Variants in ETNK2 observed in about 807,000 individuals in gnomAD.
The protein encoded by ETNK2 is ethanolamine kinase-like protein.
A neutral mutation model predicts 46.2 loss-of-function variants in ETNK2; 33 were observed. The observed-to-expected ratio is 0.71, with a 90% CI of 0.54 to 0.96. The LOEUF is 0.96. Ranked by LOEUF, ETNK2 falls within the 40% of genes least tolerant of loss-of-function variation. The pLI, the probability that ETNK2 is intolerant of heterozygous loss-of-function variation, is 0.00. For synonymous variants in ETNK2, 194 were observed against 209.0 expected, an observed-to-expected ratio of 0.93 and a Z score of 0.62; for missense variants, 445 against 509.7, an observed-to-expected ratio of 0.87 and a Z score of 1.22.
chr1:204,151,753 C>T lies in ETNK2; in HGVS notation c.100G>A (p.Ala34Thr). The change falls in exon 1 of 8, where the codon GCG becomes ACG. Residue 34 changes from alanine (A) to threonine (T), a missense_variant. Coordinates refer to ENST00000367202, the MANE Select transcript of ETNK2 (RefSeq NM_018208.4). The surrounding 1 kb of genome is among the most constrained non-coding windows in gnomAD (Gnocchi z 8.0). Reference sequence around the variant, plus strand: ...GGCTCCCGGCAGCTGGCGCTGGCCGCCGCCTTCTCCTCCATGCCCCATGAG... The same window carrying T: ...GGCTCCCGGCAGCTGGCGCTGGCCGTCGCCTTCTCCTCCATGCCCCATGAG... The part of the protein sequence containing the change: ...QCSWGMEEKA[A>T]ASASCREPPG... 1 of 1,526,702 alleles carries T rather than the reference C, an allele frequency of 6.6e-7. No individual in the cohort carries two copies. Among genetic ancestry groups the T allele is most frequent in the Non-Finnish European group, 8.8e-7 (1 of 1,138,410 alleles). 94.6% of individuals were successfully genotyped at this position (1,526,702 alleles called of 1,614,324 possible). A position where few individuals can be genotyped will look rare whatever the true frequency, so the allele number is the denominator to read the frequency against.
At position 204,151,944 on chromosome 1, in the gene ETNK2, G is replaced by C; in HGVS notation, c.-92C>G. On this transcript the variant is annotated 5_prime_UTR_variant, in exon 1 of 8. Transcript: ENST00000367202. This position sits in a 1 kb window ranked among gnomAD's most constrained non-coding sequence, Gnocchi z 8.0. ...AGTGGGAGTGGTAGAGGAGGGGCCAGGGGAAGTCCATGACTCAGGCGCGAG... is the reference window on the plus strand; with the variant it reads ...AGTGGGAGTGGTAGAGGAGGGGCCACGGGAAGTCCATGACTCAGGCGCGAG... 7.6e-7 allele frequency: 1 copy of C among 1,319,834 alleles called. No individual in the cohort carries two copies. 81.8% of individuals were successfully genotyped at this position (1,319,834 alleles called of 1,614,324 possible). A position where few individuals can be genotyped will look rare whatever the true frequency, so the allele number is the denominator to read the frequency against.
In ETNK2 at chr1:204,151,791, G is replaced by C; in HGVS notation, c.62C>G (p.Pro21Arg). Residue 21 changes from proline to arginine, a missense_variant, in exon 1 of 8, where the codon CCT becomes CGT. Pro to Arg is a moderately radical substitution (Grantham distance 103). Coordinates refer to ENST00000367202, the MANE Select transcript of ETNK2 (RefSeq NM_018208.4). The surrounding 1 kb of genome is among the most constrained non-coding windows in gnomAD (Gnocchi z 8.0). ...CATGCCCCATGAGCACTGCGGGCAA[G>C]GCGTGTGCCTCCTCAGGTGAAAGGA... ...RASFHLRRHT[P>R]CPQCSWGMEE... is the part of the protein sequence containing the mutation. The C allele has an allele frequency of 6.7e-7, 1 of 1,502,032 alleles. No homozygotes were observed. The highest frequency in any genetic ancestry group is 8.9e-7 in the Non-Finnish European group (1 of 1,128,560). The allele number at this position is 1,502,032 out of a possible 1,614,324, so 93.0% of individuals were successfully genotyped here.
chr1:204,149,990 GT>G lies in ETNK2; in HGVS notation c.259-29del. ...AGCATGGGGAGAGGACAGTGCGTGGGTGGGTGGGTGGGGCAGGATCTCTCTG... is the reference window on the plus strand; with the variant it reads ...AGCATGGGGAGAGGACAGTGCGTGGGGGGTGGGTGGGGCAGGATCTCTCTG... On this transcript the variant is annotated intron_variant, in intron 1 of 7. Transcript: ENST00000367202. 4.2e-6 allele frequency: 5 copies of G among 1,180,826 alleles called. No individual in the cohort carries two copies. In the South Asian group the frequency reaches 4.3e-5, roughly 10 times the overall value. 73.1% of individuals were successfully genotyped at this position (1,180,826 alleles called of 1,614,324 possible).
intron 7 of ETNK2, 22 bp from the exon 8 acceptor site, chr1:204,132,278 G>T: frequency 6.4e-7 from 1 of 1,558,062 alleles, no homozygotes; most frequent in East Asian, 2.4e-5. Flanking sequence ...ACAGAAGGAA[G>T]CTGGGTGTGA....
chr1:204,145,528 A>C (rs753691934), intron 3 of ETNK2, among the ~76,000 whole-genome samples: 6 of 152,242 alleles, frequency 3.9e-5, no homozygotes, highest in Non-Finnish European at 7.3e-5. Flanking sequence ...TCCCAAAGAG[A>C]ATATTTGACA....
At chr1:204,139,619 TG>T (rs1370033008) in intron 5 of ETNK2, among the ~76,000 whole-genome samples, 1 of 152,208 alleles carries the variant, frequency 6.6e-6, no homozygotes, top group African/African-American at 2.4e-5. Flanking sequence ...ACCCTGGCCC[TG>T]GTCCCCATCC....
intron 6 of ETNK2, 136 bp downstream of exon 6, chr1:204,136,968 G>T: frequency 8.5e-7 from 1 of 1,173,208 alleles, no homozygotes; most frequent in Non-Finnish European, 1.2e-6. Flanking sequence ...CACCTCTAGG[G>T]TGGGGTCAGG....
chr1:204,149,805 C>T lies in ETNK2; in HGVS notation c.416G>A (p.Cys139Tyr), dbSNP rs745615577. The part of the protein sequence containing the change: ...RNFQLLRAHS[C>Y]APKLYCTFQN... ...GAAGGTGCAGTAGAGTTTGGGGGCACAGCTGTGTGCTCGCAGCAGCTGGAA... is the reference window on the plus strand; with the variant it reads ...GAAGGTGCAGTAGAGTTTGGGGGCATAGCTGTGTGCTCGCAGCAGCTGGAA... The change falls in exon 2 of 8, where the codon TGT becomes TAT. Residue 139 changes from cysteine (C) to tyrosine (Y), a missense_variant. Cys to Tyr is a radical substitution (Grantham distance 194, BLOSUM62 -2). Transcript: ENST00000367202. The T allele has an allele frequency of 6.5e-5, 104 of 1,607,634 alleles. No individual in the cohort carries two copies. The highest frequency in any genetic ancestry group is 8.1e-5 in the Non-Finnish European group (95 of 1,177,308).
intron 3 of ETNK2, 93 bp from the exon 4 acceptor site, chr1:204,141,550 T>C: frequency 7.3e-7 from 1 of 1,379,216 alleles, no homozygotes; most frequent in Non-Finnish European, 9.9e-7. Context: ...CATCACTCCC[T>C]CTGTCTTACT....
At chr1:204,135,496 A>T (rs1438619968) in intron 6 of ETNK2, among the ~76,000 whole-genome samples, 1 of 152,182 alleles carries the variant, frequency 6.6e-6, no homozygotes, top group Non-Finnish European at 1.5e-5. Context: ...AACACTAGTG[A>T]TGCCATCACT....
intron 4 of ETNK2, among the ~76,000 whole-genome samples, 176 bp from the exon 5 acceptor site, chr1:204,140,294 C>CCATCCATT (rs1274823749): frequency 2.2e-5 from 3 of 136,150 alleles, no homozygotes; most frequent in Non-Finnish European, 5.0e-5. Context: ...ATCCATCCAT[C>CCATCCATT]CATCCATCCA....
intron 1 of ETNK2, among the ~76,000 whole-genome samples, chr1:204,150,767 G>A (rs1417292111): frequency 1.3e-5 from 2 of 152,128 alleles, no homozygotes. Context: ...TTTTGAAAAC[G>A]CTACTCCATC....
rs371581071 is a variant in ETNK2 at position 204,132,185 on chromosome 1, C to T, written c.1160G>A (p.Ter387=). 10 of 1,569,690 alleles carry T rather than the reference C, an allele frequency of 6.4e-6. No individual in the cohort carries two copies. Among genetic ancestry groups the T allele is most frequent in the Non-Finnish European group, 8.6e-6 (10 of 1,157,042 alleles). The part of the protein sequence containing the change: ...PQASALEMPK[*] ...GTAGGGGAGGGATGGGGTGGCTGGT[C>T]ACTTTGGCATCTCCAAGGCTGACGC... is the stretch of plus-strand genomic sequence containing the variant. Residue 387 remains the stop codon, a stop_retained_variant, in exon 8 of 8, where the codon TGA becomes TAA. Transcript: ENST00000367202.
At chr1:204,136,099 T>TAC (rs1302417854) in intron 6 of ETNK2, among the ~76,000 whole-genome samples, 2 of 151,486 alleles carry the variant, frequency 1.3e-5, no homozygotes, top group African/African-American at 4.9e-5. Flanking sequence ...TATATGTATA[T>TAC]ACACACACAC....
In ETNK2 at chr1:204,152,007, A is replaced by G. The variant is rs1486997033; in HGVS notation, c.-155T>C. ...ATCGCCGGCTCGCGGCCCGCCGCCC[A>G]CCGCCGACCCCGGAGCGCCGCGGCC... On this transcript the variant is annotated 5_prime_UTR_variant, in exon 1 of 8. Coordinates refer to ENST00000367202, the MANE Select transcript of ETNK2 (RefSeq NM_018208.4). This position sits in a 1 kb window ranked among gnomAD's most constrained non-coding sequence, Gnocchi z 4.2. 2.6e-6 allele frequency: 2 copies of G among 778,542 alleles called. No individual in the cohort carries two copies. The highest frequency in any genetic ancestry group is 3.5e-6 in the Non-Finnish European group (2 of 573,488). 48.2% of individuals were successfully genotyped at this position (778,542 alleles called of 1,614,324 possible).
rs775487389 is a variant in ETNK2 at position 204,141,462 on chromosome 1, G to A, written c.642-5C>T. 48 of 1,574,734 alleles carry A rather than the reference G, an allele frequency of 3.0e-5. No homozygotes were observed. Among genetic ancestry groups the A allele is most frequent in the Non-Finnish European group, 4.0e-5 (46 of 1,160,248 alleles). On this transcript the variant is annotated splice_region_variant and splice_polypyrimidine_tract_variant and intron_variant, in intron 3 of 7. Transcript: ENST00000367202. ...TTAGGGACATCTGCAGAAAGGCTGG[G>A]CAGTGGCAAAAAAGGTAGCCAGTGA...
At chr1:204,140,904 C>G (rs1043010169) in intron 4 of ETNK2, 2 of 336,678 alleles carry the variant, frequency 5.9e-6, no homozygotes, top group South Asian at 2.4e-5. Context: ...CTCACTGCAG[C>G]CTCCACCTCC....
At position 204,134,848 on chromosome 1, in the gene ETNK2, T is replaced by C. The variant is rs1163826474; in HGVS notation, c.1015-260A>G. 2.0e-5 allele frequency among the ~76,000 whole-genome samples: 3 copies of C among 152,100 alleles called. No homozygotes were observed. In the East Asian group the frequency reaches 5.8e-4, roughly 29 times the overall value. On this transcript the variant is annotated intron_variant, in intron 6 of 7. Coordinates refer to ENST00000367202, the MANE Select transcript of ETNK2 (RefSeq NM_018208.4). ...TAATGTTTACCAACCCTAAGGCAGG[T>C]AGTCAGCAGTGAGGAATTTTGGGGG...
chr1:204,137,345 C>T (rs1392207214), intron 5 of ETNK2, 96 bp from the exon 6 acceptor site: 2 of 1,445,288 alleles, frequency 1.4e-6, no homozygotes, highest in Non-Finnish European at 1.9e-6. Flanking sequence ...CTCAAACTCC[C>T]ATCTCCTTTG....
Sources: allele counts gnomAD v4.1 joint callset (sites outside exome capture counted in the v4.1 genomes callset), GRCh38; gene constraint gnomAD v4.1.1; non-coding constraint Gnocchi (gnomAD v3.1); transcripts MANE v1.5; gene names NCBI Gene and HGNC (gene_info 2026-07-23, HGNC 2026-07-21).